Variants in NBEA observed in about 807,000 individuals in gnomAD.
NBEA encodes neurobeachin.
Under a neutral mutation model 343.4 loss-of-function variants are expected in NBEA, and 44 were observed. The observed-to-expected ratio is 0.13, with a 90% CI of 0.10 to 0.16. The LOEUF is 0.16. Among genes scored for constraint, NBEA ranks in the 10% least tolerant of loss-of-function variants. The probability of loss-of-function intolerance (pLI) is 1.00; values close to 1 mark genes in which losing one functional copy is unlikely to be tolerated. For synonymous variants in NBEA, 1,175 were observed against 1,238.7 expected (o/e 0.95, Z 1.08); for missense variants, 2,555 against 3,631.3 (o/e 0.70, Z 7.62).
At chr13:35,090,211 A>C (rs1373221094) in intron 10 of NBEA, among the ~76,000 whole-genome samples, 1 of 151,894 alleles carries the variant, frequency 6.6e-6, no homozygotes, top group Non-Finnish European at 1.5e-5. Flanking sequence ...TTTCTTCAGC[A>C]ATCTAAGGTA....
chr13:35,458,227 A>G (rs2046690805), intron 40 of NBEA, among the ~76,000 whole-genome samples: 1 of 152,168 alleles, frequency 6.6e-6, no homozygotes, highest in Non-Finnish European at 1.5e-5. Context: ...AAGACATGTT[A>G]TTATCTGTCT....
At chr13:35,011,169 G>C (rs1194777630) in intron 1 of NBEA, among the ~76,000 whole-genome samples, 1 of 151,900 alleles carries the variant, frequency 6.6e-6, no homozygotes, top group Admixed American at 6.6e-5. Context: ...AGATTATTTT[G>C]GTAACCCTAC....
At chr13:35,430,325 C>A (rs2045019723) in intron 38 of NBEA, among the ~76,000 whole-genome samples, 2 of 151,986 alleles carry the variant, frequency 1.3e-5, no homozygotes, top group African/African-American at 2.4e-5. Context: ...TTTGTTCTTG[C>A]TGATTTGTCT....
At chr13:35,513,912 TAC>T (rs2152988274) in intron 41 of NBEA, among the ~76,000 whole-genome samples, 1 of 152,318 alleles carries the variant, frequency 6.6e-6, no homozygotes, top group South Asian at 2.1e-4. Context: ...TCTATTTTAT[TAC>T]ACATTAATCA....
At chr13:35,593,260 G>T (rs1431450124) in intron 46 of NBEA, 68 bp from the exon 47 acceptor site, 5 of 1,546,624 alleles carry the variant, frequency 3.2e-6, no homozygotes, top group Non-Finnish European at 4.4e-6. Context: ...AGATAGCCAT[G>T]TTTCACAAAG....
At chr13:35,541,725 G>GGGGTGTGTGTGTGTGT (rs149705241) in intron 41 of NBEA, among the ~76,000 whole-genome samples, 20 of 145,230 alleles carry the variant, frequency 1.4e-4, no homozygotes, top group South Asian at 2.3e-4. Flanking sequence ...GGTCTGCATG[G>GGGGTGTGTGTGTGTGT]GTGTGTGTGT....
At chr13:35,628,993 A>G (rs2083343347) in intron 49 of NBEA, among the ~76,000 whole-genome samples, 2 of 152,208 alleles carry the variant, frequency 1.3e-5, no homozygotes, top group Non-Finnish European at 2.9e-5. Context: ...CATGAATGAA[A>G]TAGATGCAGT....
chr13:35,670,086 A>T (rs868580078), intron 58 of NBEA, among the ~76,000 whole-genome samples: 3 of 152,250 alleles, frequency 2.0e-5, no homozygotes, highest in Admixed American at 6.5e-5. Flanking sequence ...CATATCAATT[A>T]TAAACTGATA....
Position 35,537,327 on chromosome 13 carries a change from A to G in NBEA, c.6586-13150A>G, listed in dbSNP as rs1237417581. 3.9e-5 allele frequency among the ~76,000 whole-genome samples: 6 copies of G among 152,188 alleles called. No individual in the cohort carries two copies. In the South Asian group the frequency reaches 1.2e-3, roughly 32 times the overall value. ...ACAGGGTCTCCTAGCTTAATCATTA[A>G]TAGAAGTTAATCAGAAGAACAAAAT... On this transcript the variant is annotated intron_variant, in intron 41 of 58. Transcript: ENST00000379939.
chr13:35,297,986 A>G (rs970873138), intron 35 of NBEA, among the ~76,000 whole-genome samples: 1 of 151,708 alleles, frequency 6.6e-6, no homozygotes, highest in African/African-American at 2.4e-5. Context: ...AAAAATATGC[A>G]TATAACTTTT....
rs918169780 is a variant in NBEA at position 34,989,508 on chromosome 13, A to G, written c.294+46394A>G. Among the ~76,000 whole-genome samples, 3 of 150,732 alleles carry G rather than the reference A, an allele frequency of 2.0e-5. 1 individual carries two copies. Among genetic ancestry groups the G allele is most frequent in the Non-Finnish European group, 3.0e-5 (2 of 67,320 alleles). On this transcript the variant is annotated intron_variant, in intron 1 of 58. Transcript: ENST00000379939. The stretch of plus-strand genomic sequence containing the variant: ...AAGTGCTACATATTCTTAAACAACC[A>G]AATCTTATGGGAACTCACTGTCATG...
At chr13:35,395,590 T>G (rs1442110785) in intron 38 of NBEA, among the ~76,000 whole-genome samples, 3 of 152,150 alleles carry the variant, frequency 2.0e-5, no homozygotes, top group Admixed American at 2.0e-4. Context: ...ACACATACCA[T>G]GTTCACTGGA....
chr13:35,476,026 A>G (rs368250501), intron 41 of NBEA: 1 of 1,614,074 alleles, frequency 6.2e-7, no homozygotes, highest in African/African-American at 1.3e-5. Flanking sequence ...TACGTCGGAA[A>G]CTACTTTGCA....
At chr13:35,237,411 TCA>T (rs1372831691) in intron 34 of NBEA, among the ~76,000 whole-genome samples, 1 of 152,206 alleles carries the variant, frequency 6.6e-6, no homozygotes, top group African/African-American at 2.4e-5. Context: ...TTTTATTTTC[TCA>T]TTCTTGAGCA....
At chr13:35,616,408 G>T (rs1250615586) in intron 48 of NBEA, among the ~76,000 whole-genome samples, 2 of 152,148 alleles carry the variant, frequency 1.3e-5, no homozygotes, top group Non-Finnish European at 2.9e-5. Flanking sequence ...TCTGTGCTTA[G>T]ATGGCCTCCA....
At chr13:35,283,987 G>GACAC (rs34465386) in intron 34 of NBEA, among the ~76,000 whole-genome samples, 9,941 of 140,892 alleles carry the variant, frequency 0.071, 313 homozygotes, top group South Asian at 0.11. Flanking sequence ...TGTGTACACA[G>GACAC]ACACACACAC....
intron 38 of NBEA, among the ~76,000 whole-genome samples, chr13:35,418,497 G>T (rs911249531): frequency 6.6e-6 from 1 of 151,976 alleles, no homozygotes; most frequent in African/African-American, 2.4e-5. Flanking sequence ...GGAAATGCAT[G>T]ATGTTGTTTT....
intron 38 of NBEA, among the ~76,000 whole-genome samples, chr13:35,424,025 G>T (rs1285895027): frequency 2.0e-5 from 3 of 152,172 alleles, no homozygotes; most frequent in Non-Finnish European, 4.4e-5. Flanking sequence ...TGCTGAAGTT[G>T]CTTATCAGCT....
intron 38 of NBEA, among the ~76,000 whole-genome samples, chr13:35,404,763 A>T (rs1471170562): frequency 6.6e-6 from 1 of 152,024 alleles, no homozygotes; most frequent in Non-Finnish European, 1.5e-5. Flanking sequence ...TAATAATAAA[A>T]TTTAAAAAAA....
Sources: gnomAD v4.1 joint callset for allele counts (sites outside exome capture counted in the v4.1 genomes callset) on GRCh38, gnomAD v4.1.1 for gene constraint, MANE v1.5 for transcripts, NCBI Gene and HGNC (gene_info 2026-07-23, HGNC 2026-07-21) for gene names.